THOC2: variants seen among roughly 807,000 people sequenced by gnomAD.
THOC2 encodes the protein THO complex 2.
THOC2 carries 10 observed loss-of-function variants against 128.4 expected under a neutral mutation model. The ratio of observed to expected loss-of-function variants is 0.08; its 90% CI spans 0.05 to 0.13. The LOEUF is 0.13. THOC2 is among the 10% of genes least tolerant of loss of function. The probability of loss-of-function intolerance (pLI) is 1.00; values close to 1 mark genes in which losing one functional copy is unlikely to be tolerated. For missense variants in THOC2, 535 were observed against 1,155.7 expected (o/e 0.46, Z 7.79); for synonymous variants, 393 against 396.9 (o/e 0.99, Z 0.12).
intron 36 of THOC2, among the ~76,000 whole-genome samples, chrX:123,612,622 T>C (rs896012212): frequency 4.5e-5 from 5 of 111,563 alleles, no homozygotes; most frequent in Admixed American, 3.8e-4. Context: ...CACAATACTG[T>C]GAATATACTA....
At chrX:123,626,462 T>C (rs2047273968) in intron 24 of THOC2, 59 bp downstream of exon 24, 7 of 1,086,701 alleles carry the variant, frequency 6.4e-6, no homozygotes, top group Non-Finnish European at 1.2e-6. Flanking sequence ...TCTAAAGTTA[T>C]AATGTTTTGT....
At chrX:123,668,503 C>A (rs2049134677) in intron 9 of THOC2, among the ~76,000 whole-genome samples, 189 bp from the exon 10 acceptor site, 1 of 112,201 alleles carries the variant, frequency 8.9e-6, no homozygotes, top group Non-Finnish European at 1.9e-5. Context: ...GAATTCTGTA[C>A]CCCTTTTAAA....
Position 123,614,192 on chromosome X carries a change from G to A in THOC2, c.4312-3C>T, listed in dbSNP as rs770522300. 3 of 1,145,680 alleles carry A rather than the reference G, an allele frequency of 2.6e-6. No homozygotes were observed. In the Admixed American group the frequency reaches 7.8e-5, roughly 30 times the overall value. 94.4% of individuals were successfully genotyped at this position (1,145,680 alleles called of 1,213,427 possible). ...GGAGGAGTATGATTAATGTAGAGCT[G>A]TTAAATTAAGGCAATATTACTAAAG... On this transcript the variant is annotated splice_region_variant and splice_polypyrimidine_tract_variant and intron_variant, in intron 33 of 38. Transcript: ENST00000245838.
At chrX:123,635,782 A>G (rs1284431494) in intron 19 of THOC2, among the ~76,000 whole-genome samples, 1 of 112,103 alleles carries the variant, frequency 8.9e-6, no homozygotes, top group Non-Finnish European at 1.9e-5. Context: ...GAAGATATAC[A>G]ATGTATCATA....
rs758376654 is a variant in THOC2, at chrX:123,639,678, G to A, written c.1747-651C>T. On this transcript the variant is annotated intron_variant, in intron 16 of 38. Transcript: ENST00000245838. ...CTAAAAGTTAAGTGGGGTGGGGCAA[G>A]GTTTGAAAAACTACCTATTGGGTAC... 8.9e-4 allele frequency among the ~76,000 whole-genome samples: 99 copies of A among 111,433 alleles called. 1 individual carries two copies. The highest frequency in any genetic ancestry group is 1.4e-3 in the Non-Finnish European group (76 of 53,091).
chrX:123,659,764 A>G (rs2048756425), intron 12 of THOC2, among the ~76,000 whole-genome samples: 1 of 112,432 alleles, frequency 8.9e-6, no homozygotes, highest in Admixed American at 9.4e-5. Context: ...TATCTGGTAC[A>G]AGTATATAAG....
intron 14 of THOC2, 36 bp from the exon 15 acceptor site, chrX:123,644,712 T>TA (rs774282481): frequency 7.7e-6 from 9 of 1,168,200 alleles, no homozygotes; most frequent in Admixed American, 4.6e-5. Context: ...TAGGAAAAGT[T>TA]AAACACTTAG....
At chrX:123,684,681 C>T (rs750451223) in intron 8 of THOC2, among the ~76,000 whole-genome samples, 1 of 112,344 alleles carries the variant, frequency 8.9e-6, no homozygotes, top group East Asian at 2.8e-4. Flanking sequence ...AGCCACTGCA[C>T]CCAGCCGCCA....
intron 20 of THOC2, 95 bp downstream of exon 20, chrX:123,633,858 G>T: frequency 1.9e-6 from 1 of 528,354 alleles, no homozygotes; most frequent in Non-Finnish European, 3.1e-6. Flanking sequence ...TTTGACATTT[G>T]GTTTTATAAA....
chrX:123,637,814 C>T (rs2047734599), intron 18 of THOC2, among the ~76,000 whole-genome samples: 2 of 111,110 alleles, frequency 1.8e-5, no homozygotes, highest in African/African-American at 6.6e-5. Context: ...AATGCTTACC[C>T]AAATTCTATC....
At chrX:123,705,508 T>C (rs2050890388) in intron 3 of THOC2, among the ~76,000 whole-genome samples, 1 of 110,958 alleles carries the variant, frequency 9.0e-6, no homozygotes, top group African/African-American at 3.3e-5. Flanking sequence ...ATTAGTTGTT[T>C]AAGAAAGATT....
chrX:123,651,680 A>C (rs2048361527), intron 12 of THOC2, among the ~76,000 whole-genome samples: 2 of 111,036 alleles, frequency 1.8e-5, no homozygotes, highest in Non-Finnish European at 3.8e-5. Context: ...CTACGCAAAT[A>C]AACTAGAAAA....
At chrX:123,654,758 CAAAAAAAAAAAAA>C (rs149260708) in intron 12 of THOC2, among the ~76,000 whole-genome samples, 1 of 24,360 alleles carries the variant, frequency 4.1e-5, no homozygotes, top group Non-Finnish European at 6.2e-5. Flanking sequence ...GACTCCGTCT[CAAAAAAAAAAAAA>C]AAAAAAAAAA....
chrX:123,692,284 A>G (rs1569426592), intron 7 of THOC2, among the ~76,000 whole-genome samples: 1 of 111,174 alleles, frequency 9.0e-6, no homozygotes, highest in Non-Finnish European at 1.9e-5. Flanking sequence ...GGCCACTTGT[A>G]TGGTGTCTAT....
rs368394995 is a variant in THOC2, at chrX:123,631,814, T to A, written c.2355A>T (p.Ala785=). ...TATAATCTTCTGTGCTCAGATTAGA[T>A]GCTAAAAACCCACCAAACTGCACCA... ...DTLVQFGGFL[A]SNLSTEDYIK... is the part of the protein sequence containing the mutation. Residue 785 remains alanine, a synonymous_variant, in exon 22 of 39, where the codon GCA becomes GCT. Coordinates refer to ENST00000245838, the MANE Select transcript of THOC2 (RefSeq NM_001081550.2). 76 of 1,204,106 alleles carry A rather than the reference T, an allele frequency of 6.3e-5. No homozygotes were observed. In the South Asian group the frequency reaches 1.3e-3, roughly 21 times the overall value.
intron 22 of THOC2, among the ~76,000 whole-genome samples, chrX:123,630,341 A>C (rs1179369352): frequency 9.0e-6 from 1 of 111,653 alleles, no homozygotes. Context: ...GGCCAGGCAC[A>C]GTGGCTCATG....
chrX:123,622,450 C>T (rs1488229554), intron 30 of THOC2, among the ~76,000 whole-genome samples: 1 of 112,225 alleles, frequency 8.9e-6, no homozygotes, highest in Non-Finnish European at 1.9e-5. Context: ...GGATGTAAAG[C>T]GTATCAGCAA....
intron 12 of THOC2, among the ~76,000 whole-genome samples, chrX:123,650,930 C>T (rs1191540473): frequency 3.6e-5 from 4 of 111,612 alleles, no homozygotes; most frequent in Middle Eastern, 4.7e-3. Context: ...ATATTCAGGA[C>T]GTGAACTCAG....
Position 123,671,680 on chromosome X carries a change from G to A in THOC2, c.850C>T (p.Leu284Phe). ...LQFNLIDLDD[L>F]YVHLLPADNC... The stretch of plus-strand genomic sequence containing the variant: ...CCCACTTGACTTACATGTACATAAA[G>A]ATCATCTAAATCAATAAGATTAAAT... Residue 284 changes from leucine to phenylalanine, a missense_variant, in exon 9 of 39, where the codon CTT becomes TTT. By Grantham distance (22) the Leu-to-Phe change is conservative. Transcript: ENST00000245838. 1 of 1,146,905 alleles carries A rather than the reference G, an allele frequency of 8.7e-7. No homozygotes were observed. Among genetic ancestry groups the A allele is most frequent in the Non-Finnish European group, 1.2e-6 (1 of 848,272 alleles). The allele number at this position is 1,146,905 out of a possible 1,213,427, so 94.5% of individuals were successfully genotyped here.
Sources: allele counts gnomAD v4.1 joint callset (sites outside exome capture counted in the v4.1 genomes callset), GRCh38; gene constraint gnomAD v4.1.1; transcripts MANE v1.5; gene names NCBI Gene and HGNC (gene_info 2026-07-23, HGNC 2026-07-21).